Variants in EPHX1 observed in about 807,000 individuals in gnomAD.
EPHX1 encodes the protein epoxide hydratase.
A neutral mutation model predicts 43.2 loss-of-function variants in EPHX1; 40 were observed. The ratio of observed to expected loss-of-function variants is 0.93; its 90% CI spans 0.72 to 1.21. The LOEUF is 1.21. Ranked by LOEUF, EPHX1 falls within the 50% of genes most tolerant of loss-of-function variation. The pLI is 0.00. For synonymous variants in EPHX1, 221 were observed against 226.7 expected (o/e 0.98, Z 0.22); for missense variants, 550 against 570.4 (o/e 0.96, Z 0.36).
chr1:225,826,850 G>C (rs957777685), intron 1 of EPHX1, among the ~76,000 whole-genome samples: 1 of 152,096 alleles, frequency 6.6e-6, no homozygotes, highest in Non-Finnish European at 1.5e-5. Flanking sequence ...ATGAGGACTT[G>C]GTGATGGGCT....
At chr1:225,828,963 C>T (rs748652871) in intron 2 of EPHX1, 51 bp downstream of exon 2, 25 of 1,547,704 alleles carry the variant, frequency 1.6e-5, no homozygotes, top group South Asian at 1.4e-4. Flanking sequence ...GGTGGTGTGT[C>T]GAAGACAGGG....
intron 1 of EPHX1, among the ~76,000 whole-genome samples, chr1:225,818,328 T>A (rs746560457): frequency 6.6e-6 from 1 of 152,188 alleles, no homozygotes; most frequent in African/African-American, 2.4e-5. Context: ...GCAGACATGG[T>A]CAGTGGCCTA....
At chr1:225,837,266 C>A (rs1668017373) in intron 3 of EPHX1, among the ~76,000 whole-genome samples, 1 of 152,186 alleles carries the variant, frequency 6.6e-6, no homozygotes, top group African/African-American at 2.4e-5. Flanking sequence ...ATATTAACGA[C>A]AGAACAGAAC....
chr1:225,810,995 T>C (rs954180239), intron 1 of EPHX1, among the ~76,000 whole-genome samples: 2 of 152,204 alleles, frequency 1.3e-5, no homozygotes, highest in African/African-American at 4.8e-5. Context: ...TCACACCTTT[T>C]AGTTGAAATG....
At chr1:225,844,724 A>C in intron 8 of EPHX1, 101 bp downstream of exon 8, 2 of 1,548,836 alleles carry the variant, frequency 1.3e-6, no homozygotes, top group Non-Finnish European at 1.7e-6. Context: ...GGATAAGTAT[A>C]GCCTTGCCTG....
At chr1:225,819,964 G>A (rs1171811172) in intron 1 of EPHX1, among the ~76,000 whole-genome samples, 1 of 152,182 alleles carries the variant, frequency 6.6e-6, no homozygotes, top group Admixed American at 6.5e-5. Context: ...CAATCTGATG[G>A]CGTATTTGCC....
intron 7 of EPHX1, among the ~76,000 whole-genome samples, chr1:225,842,966 G>A (rs1668554021): frequency 6.6e-6 from 1 of 152,192 alleles, no homozygotes; most frequent in African/African-American, 2.4e-5. Context: ...CTTCACCAAG[G>A]TCAGCTCTGA....
At chr1:225,830,426 A>G (rs2671270) in intron 2 of EPHX1, among the ~76,000 whole-genome samples, 31,847 of 152,018 alleles carry the variant, frequency 0.21, 4,037 homozygotes, top group South Asian at 0.36. Context: ...CTTTTAGCCT[A>G]ATACATGCCA....
chr1:225,826,641 T>G (rs3753661), intron 1 of EPHX1, among the ~76,000 whole-genome samples: 12,201 of 151,966 alleles, frequency 0.08, 686 homozygotes, highest in East Asian at 0.22. Flanking sequence ...GGGAGATAGA[T>G]TGGAAGTTCA....
chr1:225,839,165 G>A (rs967800065), intron 4 of EPHX1, 52 bp from the exon 5 acceptor site: 1 of 1,613,010 alleles, frequency 6.2e-7, no homozygotes, highest in Non-Finnish European at 8.5e-7. Context: ...AGGGCCCAAG[G>A]AGCAATCTGC....
Position 225,839,882 on chromosome 1 carries a change from C to A in EPHX1, c.776C>A (p.Thr259Asn). 1 of 1,614,232 alleles carries A rather than the reference C, an allele frequency of 6.2e-7. No homozygotes were observed. The highest frequency in any genetic ancestry group is 8.5e-7 in the Non-Finnish European group (1 of 1,180,032). ...GCTTTGGTTTTAAGCAACTTCTCTA[C>A]CCTGACCCTCCTCCTGGGACAGCGT... is the stretch of plus-strand genomic sequence containing the variant. ...NMALVLSNFS[T>N]LTLLLGQRFG... The change falls in exon 6 of 9, where the codon ACC (threonine) becomes AAC (asparagine). Residue 259 changes from threonine to asparagine, a missense_variant. Thr to Asn is a moderately conservative substitution (Grantham distance 65). Transcript: ENST00000272167.
chr1:225,843,497 C>G, intron 7 of EPHX1, among the ~76,000 whole-genome samples: 1 of 152,178 alleles, frequency 6.6e-6, no homozygotes, highest in Non-Finnish European at 1.5e-5. Context: ...GCCCTACATT[C>G]AGCAGGACAC....
chr1:225,818,946 A>AAT lies in EPHX1; in HGVS notation c.-6+8777_-6+8778insAT, dbSNP rs1404222395. On this transcript the variant is annotated intron_variant, in intron 1 of 8. Transcript: ENST00000272167. ...TCCATTAAAAAAAAAAAAAAAAAAA[A>AAT]GGTTTGTATGGTGGCTCACGCCTGT... 9.5e-5 allele frequency among the ~76,000 whole-genome samples: 14 copies of AAT among 147,704 alleles called. No individual in the cohort carries two copies. In the East Asian group the frequency reaches 2.8e-3, roughly 30 times the overall value.
At chr1:225,811,094 G>A (rs1184414048) in intron 1 of EPHX1, among the ~76,000 whole-genome samples, 1 of 152,140 alleles carries the variant, frequency 6.6e-6, no homozygotes, top group East Asian at 1.9e-4. Context: ...TCCTCTTGTA[G>A]AACAGGAAAC....
Position 225,831,731 on chromosome 1 carries a change from T to G in EPHX1, c.184-48T>G, listed in dbSNP as rs56237740. 2.1e-4 allele frequency: 334 copies of G among 1,594,380 alleles called. No homozygotes were observed. The East Asian group carries it at 7.3e-3, about 35-fold the overall frequency. The stretch of plus-strand genomic sequence containing the variant: ...CTGGAAACAGACTTTGCTCTTGTGC[T>G]CTGTCCTTCCCATCCCTCTCAACTT... On this transcript the variant is annotated intron_variant, in intron 2 of 8. Coordinates refer to ENST00000272167, the MANE Select transcript of EPHX1 (RefSeq NM_001136018.4).
intron 8 of EPHX1, 37 bp from the exon 9 acceptor site, chr1:225,845,109 C>G: frequency 6.2e-7 from 1 of 1,609,304 alleles, no homozygotes; most frequent in South Asian, 1.1e-5. Flanking sequence ...GGCGCAGGGC[C>G]ACAGCCTCAC....
intron 3 of EPHX1, among the ~76,000 whole-genome samples, chr1:225,837,948 C>T (rs1668059261): frequency 6.6e-6 from 1 of 152,174 alleles, no homozygotes; most frequent in African/African-American, 2.4e-5. Flanking sequence ...GTACATAAAA[C>T]TCAAAGAGAA....
chr1:225,830,700 A>G (rs550222355), intron 2 of EPHX1, among the ~76,000 whole-genome samples: 22 of 152,232 alleles, frequency 1.4e-4, no homozygotes, highest in African/African-American at 5.1e-4. Flanking sequence ...CCTGACTTCA[A>G]GTGATCCACC....
Position 225,838,670 on chromosome 1 carries a change from C to T in EPHX1, c.381C>T (p.Phe127=). The change falls in exon 4 of 9, where the codon TTC becomes TTT. Residue 127 remains phenylalanine, a synonymous_variant. Coordinates refer to ENST00000272167, the MANE Select transcript of EPHX1 (RefSeq NM_001136018.4). ...TCCCCCCAGGGCTGGACATCCACTTCATCCACGTGAAGCCCCCCCAGCTGC... is the reference window on the plus strand; with the variant it reads ...TCCCCCCAGGGCTGGACATCCACTTTATCCACGTGAAGCCCCCCCAGCTGC... ...KTKIEGLDIH[F]IHVKPPQLPA... The T allele has an allele frequency of 6.2e-7, 1 of 1,614,092 alleles. No homozygotes were observed. The highest frequency in any genetic ancestry group is 8.5e-7 in the Non-Finnish European group (1 of 1,179,976).
Sources: allele counts gnomAD v4.1 joint callset (sites outside exome capture counted in the v4.1 genomes callset), GRCh38; gene constraint gnomAD v4.1.1; transcripts MANE v1.5; gene names NCBI Gene and HGNC (gene_info 2026-07-23, HGNC 2026-07-21).